XPR1: variants seen among roughly 807,000 people sequenced by gnomAD.
The protein encoded by XPR1 is solute carrier family 53 member 1.
XPR1 carries 28 observed loss-of-function variants against 87.5 expected under a neutral mutation model. The observed-to-expected ratio is 0.32, with a 90% confidence interval of 0.24 to 0.44. The LOEUF is 0.44. Among genes scored for constraint, XPR1 ranks in the 20% least tolerant of loss-of-function variants. The pLI is 1.00. For synonymous variants in XPR1, 300 were observed against 306.1 expected, an observed-to-expected ratio of 0.98 and a Z score of 0.21; for missense variants, 559 against 862.3, an observed-to-expected ratio of 0.65 and a Z score of 4.41.
intron 1 of XPR1, among the ~76,000 whole-genome samples, chr1:180,674,817 G>A (rs902789476): frequency 6.6e-6 from 1 of 152,150 alleles, no homozygotes; most frequent in Non-Finnish European, 1.5e-5. Flanking sequence ...AGTACTTGTA[G>A]AATTACATCA....
chr1:180,828,842 A>G (rs917220578), intron 9 of XPR1, among the ~76,000 whole-genome samples: 3 of 152,282 alleles, frequency 2.0e-5, no homozygotes, highest in South Asian at 2.1e-4. Flanking sequence ...ACTTAGCCCT[A>G]TTAGTCACTT....
Position 180,873,798 on chromosome 1 carries a change from CT to C in XPR1, c.1669-4del, listed in dbSNP as rs1434715720. 1.2e-6 allele frequency: 2 copies of C among 1,609,120 alleles called. No individual in the cohort carries two copies. The highest frequency in any genetic ancestry group is 2.7e-5 in the African/African-American group (2 of 74,832). On this transcript the variant is annotated splice_region_variant and splice_polypyrimidine_tract_variant and intron_variant, in intron 12 of 14. Transcript: ENST00000367590. Reference sequence around the variant, plus strand: ...AACATACTCAATTTCTTTATTATTTCTCAGGCCTACTACTACTGTGCCATAA... The same window carrying C: ...AACATACTCAATTTCTTTATTATTTCCAGGCCTACTACTACTGTGCCATAA...
In XPR1 at chr1:180,841,891, A is replaced by G. The variant is rs78319152; in HGVS notation, c.1501+5175A>G. 0.022 allele frequency among the ~76,000 whole-genome samples: 3,370 copies of G among 152,290 alleles called. 423 individuals are homozygous for G. In the East Asian group the frequency reaches 0.37, roughly 17 times the overall value. On this transcript the variant is annotated intron_variant, in intron 11 of 14. Coordinates refer to ENST00000367590, the MANE Select transcript of XPR1 (RefSeq NM_004736.4). ...TCGAGGGAAAAAGATTGAAAAGACA[A>G]CTCAGAGGAACCATTGACAGAAAAT...
chr1:180,707,482 G>C (rs1317545155), intron 2 of XPR1, among the ~76,000 whole-genome samples: 1 of 152,208 alleles, frequency 6.6e-6, no homozygotes, highest in East Asian at 1.9e-4. Flanking sequence ...TGTTTTTCAA[G>C]TTATACCTGT....
intron 2 of XPR1, among the ~76,000 whole-genome samples, chr1:180,705,315 G>A (rs1297580128): frequency 6.6e-6 from 1 of 152,124 alleles, no homozygotes; most frequent in African/African-American, 2.4e-5. Context: ...ACTGTAAGAG[G>A]TGCAATCAGT....
In XPR1 at chr1:180,738,450, A is replaced by C. The variant is rs75063212; in HGVS notation, c.122-49303A>C. Among the ~76,000 whole-genome samples, 12 of 152,282 alleles carry C rather than the reference A, an allele frequency of 7.9e-5. No individual in the cohort carries two copies. In the East Asian group the frequency reaches 2.3e-3, roughly 29 times the overall value. On this transcript the variant is annotated intron_variant, in intron 2 of 14. Coordinates refer to ENST00000367590, the MANE Select transcript of XPR1 (RefSeq NM_004736.4). ...AGTATGTTTTATTTTAGCTATCTTA[A>C]TATTTGTATAAATAGGATCTCATTG...
At chr1:180,750,814 AT>A (rs1171185417) in intron 2 of XPR1, among the ~76,000 whole-genome samples, 3 of 152,068 alleles carry the variant, frequency 2.0e-5, no homozygotes, top group South Asian at 2.1e-4. Context: ...CACTGAATCT[AT>A]AGATTATTTT....
chr1:180,824,616 T>C, intron 7 of XPR1, 137 bp from the exon 8 acceptor site: 1 of 703,506 alleles, frequency 1.4e-6, no homozygotes, highest in Non-Finnish European at 2.3e-6. Context: ...AGATAGATGA[T>C]AGATAATCTA....
intron 9 of XPR1, among the ~76,000 whole-genome samples, chr1:180,826,926 G>A (rs1050187143): frequency 6.6e-6 from 1 of 151,780 alleles, no homozygotes; most frequent in African/African-American, 2.4e-5. Context: ...GGCCGAGGTG[G>A]GTGGATCACC....
At chr1:180,673,065 CATAAT>C (rs1656239958) in intron 1 of XPR1, among the ~76,000 whole-genome samples, 1 of 152,050 alleles carries the variant, frequency 6.6e-6, no homozygotes, top group Admixed American at 6.6e-5. Context: ...TGATGATTGT[CATAAT>C]ATTTATAGTA....
chr1:180,714,287 G>C (rs1047452762), intron 2 of XPR1, among the ~76,000 whole-genome samples: 2 of 150,186 alleles, frequency 1.3e-5, no homozygotes, highest in Admixed American at 1.3e-4. Context: ...AGTCTGGTTA[G>C]AGATCTATCA....
chr1:180,728,685 G>A (rs968125131), intron 2 of XPR1, among the ~76,000 whole-genome samples: 1 of 152,212 alleles, frequency 6.6e-6, no homozygotes, highest in Admixed American at 6.5e-5. Context: ...GGTAATGGAA[G>A]CTCAGAGACC....
chr1:180,835,242 C>T (rs1651238375), intron 10 of XPR1, among the ~76,000 whole-genome samples, 197 bp downstream of exon 10: 1 of 152,142 alleles, frequency 6.6e-6, no homozygotes. Flanking sequence ...ATTAGGATTT[C>T]GTCTGTCCAT....
intron 2 of XPR1, among the ~76,000 whole-genome samples, chr1:180,728,103 C>T (rs73034858): frequency 1.3e-5 from 2 of 152,088 alleles, no homozygotes; most frequent in Non-Finnish European, 1.5e-5. Flanking sequence ...CTGGTTCACA[C>T]GCCTCTGATA....
rs751889146 is a variant in XPR1 at position 180,874,115 on chromosome 1, G to A, written c.1808+173G>A. The stretch of plus-strand genomic sequence containing the variant: ...AAACCATGTTGGCCAGGCTGATCTC[G>A]AACTCTTGACCTCAGTTGATCCACC... On this transcript the variant is annotated intron_variant, in intron 13 of 14. Coordinates refer to ENST00000367590, the MANE Select transcript of XPR1 (RefSeq NM_004736.4). 2.6e-4 allele frequency: 209 copies of A among 790,892 alleles called. 1 individual carries two copies. Among genetic ancestry groups the A allele is most frequent in the Non-Finnish European group, 3.3e-4 (175 of 527,462 alleles). The allele number at this position is 790,892 out of a possible 1,614,324, so 49.0% of individuals were successfully genotyped here.
chr1:180,761,022 TC>T (rs1648001475), intron 2 of XPR1, among the ~76,000 whole-genome samples: 1 of 152,168 alleles, frequency 6.6e-6, no homozygotes, highest in Non-Finnish European at 1.5e-5. Context: ...GGGAAAGGAT[TC>T]CCTATTTAAT....
At chr1:180,874,084 A>G in intron 13 of XPR1, 142 bp downstream of exon 13, 6 of 1,060,938 alleles carry the variant, frequency 5.7e-6, no homozygotes, top group Non-Finnish European at 5.2e-6. Context: ...CAGCCTTAGA[A>G]TTGGAAAACC....
chr1:180,761,970 A>G (rs1470635972), intron 2 of XPR1, among the ~76,000 whole-genome samples: 1 of 152,030 alleles, frequency 6.6e-6, no homozygotes, highest in South Asian at 2.1e-4. Context: ...TGTCCTTTGT[A>G]GGGACATGGA....
rs568483788 is a variant in XPR1, at chr1:180,711,107, A to G, written c.121+28696A>G. 1.7e-3 allele frequency among the ~76,000 whole-genome samples: 248 copies of G among 149,460 alleles called. 1 individual carries two copies. Among genetic ancestry groups the G allele is most frequent in the Non-Finnish European group, 2.7e-3 (184 of 67,328 alleles). On this transcript the variant is annotated intron_variant, in intron 2 of 14. Coordinates refer to ENST00000367590, the MANE Select transcript of XPR1 (RefSeq NM_004736.4). ...CTCCCAGACGGGGTTGTGGCTGGGC[A>G]GAGGCGCTCCTCACATCCCAGACGG... is the stretch of plus-strand genomic sequence containing the variant.
Sources: allele counts gnomAD v4.1 joint callset (sites outside exome capture counted in the v4.1 genomes callset), GRCh38; gene constraint gnomAD v4.1.1; transcripts MANE v1.5; gene names NCBI Gene and HGNC (gene_info 2026-07-23, HGNC 2026-07-21).